Variants in AFG2A observed in about 807,000 individuals in gnomAD.
The protein encoded by AFG2A is ATPase family gene 2 protein homolog A.
chr4:123,059,172 C>CT, the AFG2A span, among the ~76,000 whole-genome samples: 1 of 57,260 alleles, frequency 1.7e-5, no homozygotes, highest in Non-Finnish European at 6.4e-5. Flanking sequence ...TATTATTATA[C>CT]TTTAAGTTTT....
chr4:123,312,172 G>T, the AFG2A span, among the ~76,000 whole-genome samples: 6 of 152,078 alleles, frequency 3.9e-5, no homozygotes, highest in Non-Finnish European at 8.8e-5. Context: ...TATAGCAAAT[G>T]AAATAGTACA....
the AFG2A span, among the ~76,000 whole-genome samples, chr4:123,282,719 C>G: frequency 6.6e-6 from 1 of 151,172 alleles, no homozygotes. Context: ...GGGCAGTTCC[C>G]CAAAGAAATA....
chr4:123,141,132 T>C, the AFG2A span, among the ~76,000 whole-genome samples: 157 of 152,332 alleles, frequency 1.0e-3, no homozygotes, highest in Admixed American at 0.01. Context: ...TAAAAGTCTG[T>C]TCTCTAGAAA....
chr4:123,209,330 T>A, the AFG2A span, among the ~76,000 whole-genome samples: 1 of 152,170 alleles, frequency 6.6e-6, no homozygotes, highest in African/African-American at 2.4e-5. Flanking sequence ...AATGAATGAT[T>A]ACTTGGTAGT....
At chr4:123,028,471 G>GT in the AFG2A span, 1 of 1,243,622 alleles carries the variant, frequency 8.0e-7, no homozygotes, top group Non-Finnish European at 1.2e-6. Context: ...CTACCTTTAG[G>GT]AGAACGAATA....
the AFG2A span, among the ~76,000 whole-genome samples, chr4:122,985,107 T>A: frequency 6.6e-6 from 1 of 151,700 alleles, no homozygotes; most frequent in Non-Finnish European, 1.5e-5. Context: ...CTTCTTTTTG[T>A]TGGAAAATTT....
the AFG2A span, among the ~76,000 whole-genome samples, chr4:123,121,709 G>A: frequency 6.6e-6 from 1 of 152,128 alleles, no homozygotes; most frequent in African/African-American, 2.4e-5. Flanking sequence ...TACACTCTGT[G>A]ATGTTTGCAC....
chr4:122,984,610 A>C, the AFG2A span, among the ~76,000 whole-genome samples: 1 of 152,152 alleles, frequency 6.6e-6, no homozygotes, highest in African/African-American at 2.4e-5. Context: ...CTTTTATTAC[A>C]TTAAGGTATG....
chr4:123,220,921 T>C, the AFG2A span, among the ~76,000 whole-genome samples: 1 of 152,200 alleles, frequency 6.6e-6, no homozygotes, highest in South Asian at 2.1e-4. Context: ...TTCATAAATT[T>C]GATACATGAA....
At chr4:123,316,897 G>A in the AFG2A span, 2 of 152,180 alleles carry the variant, frequency 1.3e-5, 1 homozygote, top group South Asian at 4.1e-4. Context: ...TTCTGACTTG[G>A]CCTGTGCTTT....
the AFG2A span, among the ~76,000 whole-genome samples, chr4:123,005,669 T>C: frequency 6.6e-6 from 1 of 152,220 alleles, no homozygotes; most frequent in Non-Finnish European, 1.5e-5. Context: ...GCATCACACA[T>C]ATTTGATATA....
chr4:122,978,318 C>A, the AFG2A span, among the ~76,000 whole-genome samples: 1 of 152,186 alleles, frequency 6.6e-6, no homozygotes, highest in Non-Finnish European at 1.5e-5. Context: ...GGCAGGGTGT[C>A]CCAGTGAATG....
At chr4:122,943,982 G>A in the AFG2A span, among the ~76,000 whole-genome samples, 1 of 152,124 alleles carries the variant, frequency 6.6e-6, no homozygotes, top group Admixed American at 6.5e-5. Context: ...CTTCTGGCTT[G>A]TAGAGTTTCT....
the AFG2A span, among the ~76,000 whole-genome samples, chr4:123,238,974 G>C: frequency 6.6e-6 from 1 of 152,158 alleles, no homozygotes; most frequent in Non-Finnish European, 1.5e-5. Flanking sequence ...AGAATAAACA[G>C]TGTAGAGAAG....
At chr4:123,070,168 GTTAGT>G in the AFG2A span, among the ~76,000 whole-genome samples, 1 of 152,128 alleles carries the variant, frequency 6.6e-6, no homozygotes, top group South Asian at 2.1e-4. Context: ...TCACACACCC[GTTAGT>G]TTAATTTATA....
chr4:123,074,957 C>T, the AFG2A span, among the ~76,000 whole-genome samples: 4 of 151,838 alleles, frequency 2.6e-5, no homozygotes, highest in Non-Finnish European at 5.9e-5. Flanking sequence ...TTTTTGGGGG[C>T]GGTGGGAACG....
At chr4:123,106,082 T>G in the AFG2A span, among the ~76,000 whole-genome samples, 2 of 152,134 alleles carry the variant, frequency 1.3e-5, no homozygotes, top group Non-Finnish European at 2.9e-5. Flanking sequence ...TTTTAGAAAT[T>G]GCCACAGCCA....
At chr4:123,057,314 A>G in the AFG2A span, 8 of 1,580,990 alleles carry the variant, frequency 5.1e-6, no homozygotes, top group Admixed American at 1.7e-5. Flanking sequence ...TAGCACTGCT[A>G]TTACATAATA....
At chr4:123,029,931 A>G in the AFG2A span, among the ~76,000 whole-genome samples, 1 of 152,164 alleles carries the variant, frequency 6.6e-6, no homozygotes, top group African/African-American at 2.4e-5. Flanking sequence ...AGCTGCTGCA[A>G]CACAGCAAAG....
Sources: allele counts gnomAD v4.1 joint callset (sites outside exome capture counted in the v4.1 genomes callset), GRCh38; gene constraint gnomAD v4.1.1; transcripts MANE v1.5; gene names NCBI Gene and HGNC (gene_info 2026-07-23, HGNC 2026-07-21).